Variants in SPAG16 observed in about 807,000 individuals in gnomAD.
The protein encoded by SPAG16 is sperm-associated antigen 16 protein.
SPAG16 carries 86 observed loss-of-function variants against 80.4 expected under a neutral mutation model. That is an observed-to-expected ratio of 1.07 (90% CI 0.90 to 1.28). The LOEUF (loss-of-function observed/expected upper bound fraction) is 1.28. Ranked by LOEUF, SPAG16 falls within the 50% of genes most tolerant of loss-of-function variation. SPAG16 has a pLI of 0.00. For synonymous variants in SPAG16, 294 were observed against 265.9 expected (o/e 1.11, Z -1.03); for missense variants, 870 against 765.3 (o/e 1.14, Z -1.61).
intron 1 of SPAG16, chr2:213,284,858 A>G: frequency 1.9e-6 from 1 of 532,554 alleles, no homozygotes; most frequent in Non-Finnish European, 3.2e-6. Flanking sequence ...AGACCTTCCA[A>G]GGCCTCATAC....
At chr2:214,302,872 T>C (rs1274231761) in intron 15 of SPAG16, among the ~76,000 whole-genome samples, 1 of 152,334 alleles carries the variant, frequency 6.6e-6, no homozygotes, top group Non-Finnish European at 1.5e-5. Flanking sequence ...TTATTCATTA[T>C]ATAGTGTGCT....
At chr2:213,581,417 C>T (rs2060294811) in intron 10 of SPAG16, among the ~76,000 whole-genome samples, 1 of 152,026 alleles carries the variant, frequency 6.6e-6, no homozygotes, top group South Asian at 2.1e-4. Flanking sequence ...CAGGGTCTTG[C>T]TATATTTCTC....
At chr2:213,377,122 A>G (rs1401505927) in intron 9 of SPAG16, among the ~76,000 whole-genome samples, 3 of 152,164 alleles carry the variant, frequency 2.0e-5, no homozygotes, top group Non-Finnish European at 4.4e-5. Flanking sequence ...CACTGAGTTG[A>G]TATTTTGCTG....
intron 11 of SPAG16, among the ~76,000 whole-genome samples, chr2:213,891,211 A>G (rs1320374194): frequency 6.6e-6 from 1 of 152,076 alleles, no homozygotes; most frequent in Non-Finnish European, 1.5e-5. Flanking sequence ...TATAATTACA[A>G]TTCTTAAGTC....
chr2:213,440,750 TCCTTA>T (rs1165599441), intron 9 of SPAG16, among the ~76,000 whole-genome samples: 2 of 152,210 alleles, frequency 1.3e-5, no homozygotes, highest in South Asian at 4.1e-4. Context: ...TGAAACTTTA[TCCTTA>T]CCTTACACCA....
intron 10 of SPAG16, among the ~76,000 whole-genome samples, chr2:213,649,723 C>T (rs1164793369): frequency 6.6e-6 from 1 of 152,084 alleles, no homozygotes; most frequent in Non-Finnish European, 1.5e-5. Context: ...CACAGGTACA[C>T]ACCACCATGG....
chr2:213,686,011 A>G (rs986538058), intron 10 of SPAG16, among the ~76,000 whole-genome samples: 3 of 152,230 alleles, frequency 2.0e-5, no homozygotes, highest in Non-Finnish European at 4.4e-5. Flanking sequence ...TTGACATATA[A>G]TTATAAAGGT....
chr2:213,947,206 G>A (rs980462832), intron 12 of SPAG16, among the ~76,000 whole-genome samples: 4 of 152,086 alleles, frequency 2.6e-5, no homozygotes, highest in African/African-American at 9.7e-5. Flanking sequence ...TCTAGGATAT[G>A]TGTCCATGAA....
At chr2:213,597,986 C>T (rs1316825830) in intron 10 of SPAG16, among the ~76,000 whole-genome samples, 1 of 152,120 alleles carries the variant, frequency 6.6e-6, no homozygotes, top group African/African-American at 2.4e-5. Context: ...CATTTATTCT[C>T]TCTGAGGGCT....
At chr2:213,910,466 A>G (rs1663634845) in intron 11 of SPAG16, among the ~76,000 whole-genome samples, 1 of 152,208 alleles carries the variant, frequency 6.6e-6, no homozygotes, top group South Asian at 2.1e-4. Flanking sequence ...GAAATAATTA[A>G]AAATTTGCTT....
At chr2:214,108,481 C>CACACACACA (rs879629337) in intron 14 of SPAG16, among the ~76,000 whole-genome samples, 43 of 74,856 alleles carry the variant, frequency 5.7e-4, no homozygotes, top group Non-Finnish European at 7.1e-4. Flanking sequence ...ACACACACAC[C>CACACACACA]CCCACACACA....
At chr2:214,198,951 C>T (rs972964846) in intron 15 of SPAG16, among the ~76,000 whole-genome samples, 4 of 151,684 alleles carry the variant, frequency 2.6e-5, no homozygotes, top group African/African-American at 9.7e-5. Context: ...GATGGGATTA[C>T]TTGTTTTTGT....
intron 12 of SPAG16, among the ~76,000 whole-genome samples, chr2:213,962,231 T>C (rs1037424644): frequency 1.3e-5 from 2 of 151,700 alleles, no homozygotes; most frequent in African/African-American, 4.8e-5. Flanking sequence ...TCTCACTCTG[T>C]TGCCCAGGCT....
chr2:213,645,034 G>A (rs1384381441), intron 10 of SPAG16, among the ~76,000 whole-genome samples: 2 of 152,168 alleles, frequency 1.3e-5, no homozygotes, highest in Non-Finnish European at 2.9e-5. Flanking sequence ...GCCTGGTATT[G>A]TATTCGGCTG....
chr2:213,479,094 C>CTTT (rs148476714), intron 9 of SPAG16, among the ~76,000 whole-genome samples: 99 of 94,344 alleles, frequency 1.0e-3, no homozygotes, highest in African/African-American at 2.4e-3. Flanking sequence ...CACTGGCTTC[C>CTTT]TTTTTTTTTT....
intron 2 of SPAG16, 199 bp from the exon 3 acceptor site, chr2:213,297,063 A>G: frequency 2.1e-6 from 3 of 1,412,856 alleles, no homozygotes; most frequent in Non-Finnish European, 2.8e-6. Flanking sequence ...ATTTATTAGA[A>G]GTGACGTTTA....
chr2:213,841,369 T>C (rs960392496), intron 10 of SPAG16, among the ~76,000 whole-genome samples: 1 of 152,220 alleles, frequency 6.6e-6, no homozygotes, highest in Non-Finnish European at 1.5e-5. Flanking sequence ...CATATTCATG[T>C]TAGACCCTTG....
intron 15 of SPAG16, among the ~76,000 whole-genome samples, chr2:214,377,905 G>A (rs1700224114): frequency 6.6e-6 from 1 of 152,178 alleles, no homozygotes; most frequent in African/African-American, 2.4e-5. Context: ...TCTGGTGAGA[G>A]GGATGTTTGC....
At chr2:214,012,288 A>ATATATATATATT (rs1553694500) in intron 12 of SPAG16, among the ~76,000 whole-genome samples, 3 of 46,806 alleles carry the variant, frequency 6.4e-5, no homozygotes, top group Non-Finnish European at 6.6e-5. Flanking sequence ...ATATATATAT[A>ATATATATATATT]TTTTTTTTTT....
Sources: gnomAD v4.1 joint callset for allele counts (sites outside exome capture counted in the v4.1 genomes callset) on GRCh38, gnomAD v4.1.1 for gene constraint, MANE v1.5 for transcripts, NCBI Gene and HGNC (gene_info 2026-07-23, HGNC 2026-07-21) for gene names.